The following TRHDE variants were observed in gnomAD, a reference collection of about 807,000 sequenced individuals.
The protein encoded by TRHDE is thyrotropin releasing hormone degrading enzyme, also known as thyrotropin-releasing hormone-degrading ectoenzyme.
A neutral mutation model predicts 125.7 loss-of-function variants in TRHDE; 72 were observed. The observed-to-expected ratio is 0.57, with a 90% CI of 0.47 to 0.70. The LOEUF (loss-of-function observed/expected upper bound fraction) is 0.70, where lower values mean the gene tolerates loss of function less well. Among genes scored for constraint, TRHDE ranks in the 30% least tolerant of loss-of-function variants. The probability of loss-of-function intolerance (pLI) is 0.00; values close to 1 mark genes in which losing one functional copy is unlikely to be tolerated. For synonymous variants in TRHDE, 509 were observed against 509.1 expected, an observed-to-expected ratio of 1.00 and a Z score of 0.00; for missense variants, 1,110 against 1,327.1, an observed-to-expected ratio of 0.84 and a Z score of 2.54.
intron 18 of TRHDE, among the ~76,000 whole-genome samples, chr12:72,661,650 G>C (rs1157085291): frequency 1.3e-5 from 2 of 151,958 alleles, no homozygotes; most frequent in Non-Finnish European, 2.9e-5. Context: ...ACTTCCATTA[G>C]ACTCCCCCTT....
intron 12 of TRHDE, 97 bp downstream of exon 12, chr12:72,575,639 T>A: frequency 8.5e-7 from 1 of 1,172,092 alleles, no homozygotes; most frequent in Non-Finnish European, 1.2e-6. Context: ...TTTAGGACAT[T>A]TAAAAAAATC....
chr12:72,518,827 T>G (rs1241399329), intron 6 of TRHDE, among the ~76,000 whole-genome samples: 1 of 152,182 alleles, frequency 6.6e-6, no homozygotes, highest in African/African-American at 2.4e-5. Flanking sequence ...AGGAGCTCTT[T>G]TAGGGCAGGC....
At chr12:72,386,782 C>A (rs1449763705) in intron 3 of TRHDE, among the ~76,000 whole-genome samples, 1 of 152,168 alleles carries the variant, frequency 6.6e-6, no homozygotes, top group South Asian at 2.1e-4. Context: ...CCATTCTCAG[C>A]CTTTATCTTG....
At chr12:72,221,077 T>C (rs1877989903) in intron 2 of TRHDE, among the ~76,000 whole-genome samples, 3 of 152,180 alleles carry the variant, frequency 2.0e-5, no homozygotes, top group East Asian at 1.9e-4. Context: ...ATCATCTACT[T>C]GGAAACAAAG....
At chr12:72,109,743 G>A (rs1015520633) in intron 2 of TRHDE, among the ~76,000 whole-genome samples, 3 of 152,036 alleles carry the variant, frequency 2.0e-5, no homozygotes, top group Admixed American at 6.6e-5. Context: ...TGGAAACTGC[G>A]TTATATGTCT....
At chr12:72,205,486 T>C (rs1448080104) in intron 2 of TRHDE, among the ~76,000 whole-genome samples, 1 of 152,168 alleles carries the variant, frequency 6.6e-6, no homozygotes, top group Non-Finnish European at 1.5e-5. Flanking sequence ...TGACAAACTT[T>C]ATACCCACTG....
At chr12:72,486,980 A>C (rs1043517215) in intron 5 of TRHDE, among the ~76,000 whole-genome samples, 2 of 152,126 alleles carry the variant, frequency 1.3e-5, no homozygotes, top group Admixed American at 6.6e-5. Context: ...GAAACAAATC[A>C]AATTTATGGA....
intron 3 of TRHDE, among the ~76,000 whole-genome samples, chr12:72,404,104 T>G (rs941415811): frequency 1.3e-5 from 2 of 152,162 alleles, no homozygotes; most frequent in African/African-American, 4.8e-5. Flanking sequence ...TAGTCCGTTT[T>G]CAAGCTGCTG....
intron 2 of TRHDE, among the ~76,000 whole-genome samples, chr12:72,176,094 C>T (rs546257790): frequency 3.3e-5 from 5 of 152,216 alleles, no homozygotes; most frequent in South Asian, 2.1e-4. Context: ...TGGTGGCTCA[C>T]GCTTACAATC....
intron 2 of TRHDE, among the ~76,000 whole-genome samples, chr12:72,368,334 T>C (rs569204226): frequency 6.6e-6 from 1 of 152,310 alleles, no homozygotes; most frequent in South Asian, 2.1e-4. Flanking sequence ...ATAATAATTC[T>C]GACAACTGAA....
chr12:72,259,851 A>C (rs1048580627), intron 2 of TRHDE, among the ~76,000 whole-genome samples: 8 of 152,114 alleles, frequency 5.3e-5, no homozygotes, highest in Admixed American at 4.6e-4. Context: ...CACCCTTTCA[A>C]TGGAAAGAAA....
intron 2 of TRHDE, among the ~76,000 whole-genome samples, chr12:72,240,090 A>G (rs1213749202): frequency 5.3e-5 from 8 of 152,074 alleles, no homozygotes; most frequent in Non-Finnish European, 1.0e-4. Flanking sequence ...TTAAATAAAA[A>G]TCTATGTGTT....
intron 2 of TRHDE, among the ~76,000 whole-genome samples, chr12:72,120,207 C>T (rs746661181): frequency 3.6e-4 from 54 of 151,760 alleles, no homozygotes; most frequent in Non-Finnish European, 7.2e-4. Context: ...CCCGCCATCA[C>T]GCCTGGTTAA....
intron 7 of TRHDE, among the ~76,000 whole-genome samples, chr12:72,543,352 C>A (rs1047509138): frequency 5.3e-5 from 8 of 151,384 alleles, no homozygotes; most frequent in Non-Finnish European, 1.0e-4. Context: ...AGAATAATTT[C>A]CCTCAGAAAA....
chr12:72,639,870 C>G (rs1020033952), intron 15 of TRHDE, among the ~76,000 whole-genome samples: 2 of 152,162 alleles, frequency 1.3e-5, no homozygotes, highest in East Asian at 3.9e-4. Flanking sequence ...TCTCAGATCT[C>G]CAGCTGCGTG....
chr12:72,430,642 C>T (rs1024551252), intron 3 of TRHDE, among the ~76,000 whole-genome samples: 1 of 151,724 alleles, frequency 6.6e-6, no homozygotes, highest in African/African-American at 2.4e-5. Flanking sequence ...TGTCCTTATC[C>T]TGGTACTACA....
chr12:72,114,126 G>A (rs1875386069), intron 2 of TRHDE, among the ~76,000 whole-genome samples: 2 of 150,066 alleles, frequency 1.3e-5, no homozygotes, highest in African/African-American at 4.9e-5. Flanking sequence ...CTGAGTTTAG[G>A]TTTATGCCAG....
At chr12:72,157,783 G>A (rs1026327197) in intron 2 of TRHDE, among the ~76,000 whole-genome samples, 1 of 152,168 alleles carries the variant, frequency 6.6e-6, no homozygotes, top group African/African-American at 2.4e-5. Context: ...GGAACTCAGG[G>A]TCAGGTCTGG....
chr12:72,484,280 C>A (rs965073990), intron 5 of TRHDE, among the ~76,000 whole-genome samples: 2 of 152,068 alleles, frequency 1.3e-5, no homozygotes, highest in African/African-American at 4.8e-5. Flanking sequence ...AATGTCCTAT[C>A]AGATTGTTAA....
Sources: allele counts gnomAD v4.1 joint callset (sites outside exome capture counted in the v4.1 genomes callset), GRCh38; gene constraint gnomAD v4.1.1; transcripts MANE v1.5; gene names NCBI Gene and HGNC (gene_info 2026-07-23, HGNC 2026-07-21).